Variants in CYP4F11 observed in about 807,000 individuals in gnomAD.
The protein encoded by CYP4F11 is cytochrome P450 4F11.
In CYP4F11, 79 loss-of-function variants were observed where a neutral mutation model predicts 62.2. The ratio of observed to expected loss-of-function variants is 1.27; its 90% CI spans 1.06 to 1.53. The LOEUF (loss-of-function observed/expected upper bound fraction) is 1.53. CYP4F11 is among the 40% of genes most tolerant of loss of function. The pLI, the probability that CYP4F11 is intolerant of heterozygous loss-of-function variation, is 0.00. For synonymous variants in CYP4F11, 290 were observed against 263.7 expected, an observed-to-expected ratio of 1.10 and a Z score of -0.97; for missense variants, 777 against 680.5, an observed-to-expected ratio of 1.14 and a Z score of -1.58.
chr19:15,925,637 C>A (rs2089662804), intron 4 of CYP4F11, among the ~76,000 whole-genome samples: 1 of 151,328 alleles, frequency 6.6e-6, no homozygotes, highest in African/African-American at 2.4e-5. Flanking sequence ...ACCTACGTAA[C>A]AAACCTGCAC....
At chr19:15,916,538 C>G (rs2089584715) in intron 8 of CYP4F11, among the ~76,000 whole-genome samples, 1 of 152,048 alleles carries the variant, frequency 6.6e-6, no homozygotes, top group Admixed American at 6.5e-5. Flanking sequence ...TGACAAGGGA[C>G]TAGTATCAAG....
At chr19:15,918,398 C>A (rs1468463518) in intron 8 of CYP4F11, among the ~76,000 whole-genome samples, 1 of 151,846 alleles carries the variant, frequency 6.6e-6, no homozygotes, top group Non-Finnish European at 1.5e-5. Context: ...ACACGTTTAC[C>A]TATGTAACCA....
At chr19:15,925,648 G>T (rs562853552) in intron 4 of CYP4F11, among the ~76,000 whole-genome samples, 1 of 150,802 alleles carries the variant, frequency 6.6e-6, no homozygotes, top group Non-Finnish European at 1.5e-5. Context: ...AAACCTGCAC[G>T]TTCTGCACAT....
At chr19:15,917,251 A>T (rs966043384) in intron 8 of CYP4F11, among the ~76,000 whole-genome samples, 14 of 152,140 alleles carry the variant, frequency 9.2e-5, no homozygotes, top group African/African-American at 3.4e-4. Context: ...GAGTGATATA[A>T]TGGACTTTGG....
At position 15,924,051 on chromosome 19, in the gene CYP4F11, C is replaced by G. The variant is rs1329922101; in HGVS notation, c.679G>C (p.Glu227Gln). 3.1e-6 allele frequency: 5 copies of G among 1,614,042 alleles called. No individual in the cohort carries two copies. The South Asian group carries it at 5.5e-5, about 18-fold the overall frequency. Residue 227 changes from glutamate (E) to glutamine (Q), a missense_variant, in exon 6 of 12, where the codon GAG (glutamate) becomes CAG (glutamine). Glu to Gln is a conservative substitution (Grantham distance 29). Coordinates refer to ENST00000402119, the MANE Select transcript of CYP4F11 (RefSeq NM_021187.4). ...KPSEYIAAIL[E>Q]LSAFVEKRNQ... ...CTCTTTTCTACAAAGGCACTGAGCT[C>G]CAAGATGGCGGCAATATATTCACTG...
chr19:15,923,194 C>A (rs1044398031), intron 6 of CYP4F11, among the ~76,000 whole-genome samples: 1 of 151,362 alleles, frequency 6.6e-6, no homozygotes, highest in Non-Finnish European at 1.5e-5. Context: ...GCATGTCGAT[C>A]TCACTGGAAA....
chr19:15,915,017 C>G, intron 8 of CYP4F11, 122 bp from the exon 9 acceptor site: 1 of 1,439,212 alleles, frequency 6.9e-7, no homozygotes, highest in South Asian at 1.5e-5. Context: ...GGATGAAATA[C>G]TGGAGAATTT....
At chr19:15,926,324 G>A (rs945456477) in intron 4 of CYP4F11, among the ~76,000 whole-genome samples, 9 of 152,164 alleles carry the variant, frequency 5.9e-5, no homozygotes, top group African/African-American at 1.7e-4. Context: ...TTGCTATGCC[G>A]TGAGTAATAA....
At chr19:15,923,238 C>CCTCTCGCTCTCT (rs2089642189) in intron 6 of CYP4F11, among the ~76,000 whole-genome samples, 1 of 110,458 alleles carries the variant, frequency 9.1e-6, no homozygotes, top group African/African-American at 3.6e-5. Context: ...AAGCAAACAT[C>CCTCTCGCTCTCT]CTCTCTCTCT....
rs1010474123 is a variant in CYP4F11 at position 15,915,713 on chromosome 19, C to T, written c.1116-818G>A. On this transcript the variant is annotated intron_variant, in intron 8 of 11. Transcript: ENST00000402119. The stretch of plus-strand genomic sequence containing the variant: ...CTTGTGTAGCTCCTGGGACTTGTAT[C>T]AAAATAGGGTTATCCCTACTCTGAA... 2.6e-5 allele frequency among the ~76,000 whole-genome samples: 4 copies of T among 151,724 alleles called. No individual in the cohort carries two copies. In the South Asian group the frequency reaches 8.3e-4, roughly 32 times the overall value.
At chr19:15,930,390 G>A (rs11086014) in intron 1 of CYP4F11, among the ~76,000 whole-genome samples, 85,178 of 151,702 alleles carry the variant, frequency 0.56, 24,236 homozygotes, top group Non-Finnish European at 0.61. Context: ...CAGGTGTTCG[G>A]GACCAGCCTG....
At chr19:15,934,611 G>A (rs2089763041), upstream of CYP4F11, 1 of 581,808 alleles carries the variant, frequency 1.7e-6, no homozygotes, top group Non-Finnish European at 2.9e-6. Context: ...CAGTTACACA[G>A]AAAGGGAAAG....
chr19:15,930,862 A>T (rs1273970807), intron 1 of CYP4F11, among the ~76,000 whole-genome samples: 2 of 152,136 alleles, frequency 1.3e-5, no homozygotes, highest in African/African-American at 4.8e-5. Context: ...CATTCTCAGC[A>T]GCCCCCAGGC....
chr19:15,929,695 C>T (rs2089696838), intron 1 of CYP4F11, 94 bp from the exon 2 acceptor site: 5 of 1,392,080 alleles, frequency 3.6e-6, no homozygotes, highest in Non-Finnish European at 3.9e-6. Context: ...CCAAGAGATG[C>T]CCAGATAAAA....
Position 15,913,736 on chromosome 19 carries a change from T to C in CYP4F11, c.1571A>G (p.Gln524Arg), listed in dbSNP as rs1468104803. 1.6e-5 allele frequency: 26 copies of C among 1,613,960 alleles called. No homozygotes were observed. The highest frequency in any genetic ancestry group is 2.1e-5 in the Non-Finnish European group (25 of 1,179,980). ...LRVEPLGANS[Q>R] is the part of the protein sequence containing the mutation. Reference sequence around the variant, plus strand: ...GTGGGTGGGTGGGTAGGACAGTCACTGTGAGTTCGCACCCAGGGGCTCCAC... The same window carrying C: ...GTGGGTGGGTGGGTAGGACAGTCACCGTGAGTTCGCACCCAGGGGCTCCAC... The change falls in exon 12 of 12, where the codon CAG becomes CGG. Residue 524 changes from glutamine to arginine, a missense_variant. Physicochemically the swap from Gln to Arg is conservative, Grantham distance 43. Transcript: ENST00000402119.
At chr19:15,919,966 TC>T (rs1490629136) in intron 8 of CYP4F11, among the ~76,000 whole-genome samples, 1 of 152,172 alleles carries the variant, frequency 6.6e-6, no homozygotes, top group Non-Finnish European at 1.5e-5. Flanking sequence ...GGTACAAGTT[TC>T]CATTAGACGG....
rs1228802832 is a variant in CYP4F11 at position 15,927,351 on chromosome 19, A to G, written c.398-12T>C. On this transcript the variant is annotated splice_polypyrimidine_tract_variant and intron_variant, in intron 3 of 11. Coordinates refer to ENST00000402119, the MANE Select transcript of CYP4F11 (RefSeq NM_021187.4). ...CAGGAGCCCATCCCCTGGCAGGGCAACCAAGGACAGTGGTCAAGGGCAGCA... is the reference window on the plus strand; with the variant it reads ...CAGGAGCCCATCCCCTGGCAGGGCAGCCAAGGACAGTGGTCAAGGGCAGCA... The G allele has an allele frequency of 1.1e-5, 17 of 1,612,198 alleles. No homozygotes were observed. The African/African-American group carries it at 1.6e-4, about 15-fold the overall frequency.
At chr19:15,919,253 TA>T (rs1335593402) in intron 8 of CYP4F11, among the ~76,000 whole-genome samples, 1 of 148,006 alleles carries the variant, frequency 6.8e-6, no homozygotes, top group Non-Finnish European at 1.5e-5. Flanking sequence ...TAATATATAT[TA>T]AAATATATAA....
At chr19:15,929,403 T>C in intron 2 of CYP4F11, 54 bp downstream of exon 2, 1 of 1,611,514 alleles carries the variant, frequency 6.2e-7, no homozygotes, top group Middle Eastern at 1.9e-4. Context: ...GGGGAGAGGC[T>C]AGAAGGCCTT....
Sources: gnomAD v4.1 joint callset for allele counts (sites outside exome capture counted in the v4.1 genomes callset) on GRCh38, gnomAD v4.1.1 for gene constraint, MANE v1.5 for transcripts, NCBI Gene and HGNC (gene_info 2026-07-23, HGNC 2026-07-21) for gene names.